The following GLP1R variants were observed in gnomAD, a reference collection of about 807,000 sequenced individuals.
GLP1R encodes the protein glucagon like peptide 1 receptor.
Under a neutral mutation model 68.4 loss-of-function variants are expected in GLP1R, and 32 were observed. That is an observed-to-expected ratio of 0.47 (90% confidence interval 0.35 to 0.63). The LOEUF (loss-of-function observed/expected upper bound fraction) is 0.63, where lower values mean the gene tolerates loss of function less well. GLP1R is among the 20% of genes least tolerant of loss of function. The probability of loss-of-function intolerance (pLI) is 0.00; values close to 1 mark genes in which losing one functional copy is unlikely to be tolerated. For synonymous variants in GLP1R, 263 were observed against 244.4 expected, an observed-to-expected ratio of 1.08 and a Z score of -0.71; for missense variants, 502 against 594.9, an observed-to-expected ratio of 0.84 and a Z score of 1.62.
At chr6:39,062,534 C>T (rs2150825493) in intron 3 of GLP1R, among the ~76,000 whole-genome samples, 1 of 152,308 alleles carries the variant, frequency 6.6e-6, no homozygotes, top group East Asian at 1.9e-4. Flanking sequence ...GTGCACACAC[C>T]ACCTCCCCAC....
chr6:39,067,010 A>G (rs774930844), intron 5 of GLP1R, among the ~76,000 whole-genome samples: 2 of 152,162 alleles, frequency 1.3e-5, no homozygotes, highest in Non-Finnish European at 2.9e-5. Flanking sequence ...TTTATTATGA[A>G]TTATTCCAGT....
chr6:39,057,597 C>T lies in GLP1R; in HGVS notation c.283+18C>T. 1.4e-6 allele frequency: 2 copies of T among 1,447,172 alleles called. No homozygotes were observed. The highest frequency in any genetic ancestry group is 9.5e-7 in the Non-Finnish European group (1 of 1,049,650). The allele number at this position is 1,447,172 out of a possible 1,614,324, so 89.6% of individuals were successfully genotyped here. Reference sequence around the variant, plus strand: ...CAGCAGTGGTGAGCCCCCTCCCCGACCTGGTACCTGCCCTGGGCCAGCAGT... The same window carrying T: ...CAGCAGTGGTGAGCCCCCTCCCCGATCTGGTACCTGCCCTGGGCCAGCAGT... On this transcript the variant is annotated intron_variant, in intron 3 of 12. Coordinates refer to ENST00000373256, the MANE Select transcript of GLP1R (RefSeq NM_002062.5).
At position 39,079,048 on chromosome 6, in the gene GLP1R, G is replaced by A. The variant is rs201383288; in HGVS notation, c.954+22G>A. On this transcript the variant is annotated intron_variant, in intron 9 of 12. Coordinates refer to ENST00000373256, the MANE Select transcript of GLP1R (RefSeq NM_002062.5). The surrounding 1 kb of genome is among the most constrained non-coding windows in gnomAD (Gnocchi z 4.5). ...TGGGGTGAGTGATGGTGTCAGGGAT[G>A]GGAGTGGCAGCTATGATAGGGCTGG... 5.9e-4 allele frequency: 951 copies of A among 1,612,144 alleles called. 8 individuals are homozygous for A. Among genetic ancestry groups the A allele is most frequent in the Non-Finnish European group, 1.0e-4 (122 of 1,178,256 alleles).
At chr6:39,060,062 C>T (rs1768319271) in intron 3 of GLP1R, among the ~76,000 whole-genome samples, 1 of 152,224 alleles carries the variant, frequency 6.6e-6, no homozygotes, top group Non-Finnish European at 1.5e-5. Flanking sequence ...CTGCTGCCCT[C>T]TCCTCACTCC....
chr6:39,053,027 G>A (rs956559378), intron 1 of GLP1R, among the ~76,000 whole-genome samples: 1 of 152,064 alleles, frequency 6.6e-6, no homozygotes, highest in South Asian at 2.1e-4. Context: ...TCCAACCCAG[G>A]TGTCGTCTCC....
chr6:39,060,907 C>T (rs1467628266), intron 3 of GLP1R, among the ~76,000 whole-genome samples: 3 of 152,304 alleles, frequency 2.0e-5, no homozygotes, highest in Admixed American at 1.3e-4. Flanking sequence ...AGCTGAAGGT[C>T]GGCTCAGCAG....
chr6:39,073,422 A>G (rs1481611031), intron 6 of GLP1R, among the ~76,000 whole-genome samples, 188 bp from the exon 7 acceptor site: 4 of 152,218 alleles, frequency 2.6e-5, no homozygotes, highest in African/African-American at 9.6e-5. Flanking sequence ...CTTTCTTCCA[A>G]TCAGGATAGT....
chr6:39,059,247 G>A (rs1283334277), intron 3 of GLP1R, among the ~76,000 whole-genome samples: 3 of 152,252 alleles, frequency 2.0e-5, no homozygotes, highest in African/African-American at 7.2e-5. Flanking sequence ...CAAGTACTCT[G>A]ATTACCCTCC....
chr6:39,079,267 G>C lies in GLP1R; in HGVS notation c.1043+67G>C. On this transcript the variant is annotated intron_variant, in intron 10 of 12. Coordinates refer to ENST00000373256, the MANE Select transcript of GLP1R (RefSeq NM_002062.5). The surrounding 1 kb of genome is among the most constrained non-coding windows in gnomAD (Gnocchi z 4.5). ...TGCCCCTTTCCTTCTAGCAGAGAGAGAGAGAGAGATCCTGGGATGCTTAGC... is the reference window on the plus strand; with the variant it reads ...TGCCCCTTTCCTTCTAGCAGAGAGACAGAGAGAGATCCTGGGATGCTTAGC... 6.2e-6 allele frequency: 7 copies of C among 1,132,222 alleles called. No individual in the cohort carries two copies. Among genetic ancestry groups the C allele is most frequent in the Non-Finnish European group, 9.4e-6 (7 of 741,084 alleles). 70.1% of individuals were successfully genotyped at this position (1,132,222 alleles called of 1,614,324 possible).
Position 39,081,640 on chromosome 6 carries a change from T to C in GLP1R, c.1224+901T>C, listed in dbSNP as rs529871672. Among the ~76,000 whole-genome samples the C allele has an allele frequency of 2.6e-5, 4 of 152,246 alleles. No homozygotes were observed. In the East Asian group the frequency reaches 7.7e-4, roughly 29 times the overall value. On this transcript the variant is annotated intron_variant, in intron 12 of 12. Transcript: ENST00000373256. ...ACATTAATAGGCTTGTCTTTTTCTA[T>C]GGGTGTGGGGGATGCAGAAAGGACA...
intron 12 of GLP1R, among the ~76,000 whole-genome samples, chr6:39,085,482 G>A (rs1769121553): frequency 6.6e-6 from 1 of 152,214 alleles, no homozygotes. Flanking sequence ...CACCAGGAAG[G>A]CTGGGGGTTG....
At position 39,051,264 on chromosome 6, in the gene GLP1R, A is replaced by G. The variant is rs2268658; in HGVS notation, c.78+2346A>G. ...TCTGTAAATAAGGATCATAAGCTCTATCACATAGGGTTATGGAGGGGATTG... is the reference window on the plus strand; with the variant it reads ...TCTGTAAATAAGGATCATAAGCTCTGTCACATAGGGTTATGGAGGGGATTG... On this transcript the variant is annotated intron_variant, in intron 1 of 12. Transcript: ENST00000373256. Among the ~76,000 whole-genome samples, 63 of 152,308 alleles carry G rather than the reference A, an allele frequency of 4.1e-4. No individual in the cohort carries two copies. The East Asian group carries it at 9.3e-3, about 22-fold the overall frequency.
chr6:39,058,952 C>G (rs1316050882), intron 3 of GLP1R, among the ~76,000 whole-genome samples: 2 of 152,252 alleles, frequency 1.3e-5, no homozygotes, highest in Non-Finnish European at 2.9e-5. Context: ...AGGTTATGCT[C>G]TGGGGAAGCC....
At chr6:39,071,329 G>A (rs1417134164) in intron 5 of GLP1R, among the ~76,000 whole-genome samples, 1 of 112,162 alleles carries the variant, frequency 8.9e-6, no homozygotes, top group Admixed American at 1.2e-4. Flanking sequence ...TTGGGCGACA[G>A]AGCAAGATTC....
intron 3 of GLP1R, among the ~76,000 whole-genome samples, chr6:39,064,887 G>A (rs1014915237): frequency 6.6e-6 from 1 of 152,142 alleles, no homozygotes; most frequent in Admixed American, 6.5e-5. Context: ...AGACAGGGAC[G>A]GTGCCACCAT....
chr6:39,072,999 G>T lies in GLP1R; in HGVS notation c.647G>T (p.Gly216Val), dbSNP rs771364426. ...STAAQQHQWD[G>V]LLSYQDSLSC... ...GCCGCCCAGCAGCACCAGTGGGATGGGCTCCTCTCCTACCAGGTGTGTGGT... is the reference window on the plus strand; with the variant it reads ...GCCGCCCAGCAGCACCAGTGGGATGTGCTCCTCTCCTACCAGGTGTGTGGT... Residue 216 changes from glycine to valine, a missense_variant, in exon 6 of 13, where the codon GGG (glycine) becomes GTG (valine). Gly to Val is a moderately radical substitution (Grantham distance 109). Coordinates refer to ENST00000373256, the MANE Select transcript of GLP1R (RefSeq NM_002062.5). 3.7e-6 allele frequency: 6 copies of T among 1,614,046 alleles called. No homozygotes were observed. The highest frequency in any genetic ancestry group is 5.1e-6 in the Non-Finnish European group (6 of 1,179,988).
rs1768777282 is a variant in GLP1R at position 39,075,037 on chromosome 6, G to A, written c.823+1268G>A. ...CAGAGCTGGCAGGGCCTTACAGGCAGAGCAGGCCCTGGAACCCAGGCCTCC... is the reference window on the plus strand; with the variant it reads ...CAGAGCTGGCAGGGCCTTACAGGCAAAGCAGGCCCTGGAACCCAGGCCTCC... On this transcript the variant is annotated intron_variant, in intron 7 of 12. Transcript: ENST00000373256. Among the ~76,000 whole-genome samples, 3 of 152,204 alleles carry A rather than the reference G, an allele frequency of 2.0e-5. No individual in the cohort carries two copies. The South Asian group carries it at 6.2e-4, about 32-fold the overall frequency.
At chr6:39,080,995 T>C (rs1768995779) in intron 12 of GLP1R, among the ~76,000 whole-genome samples, 1 of 151,966 alleles carries the variant, frequency 6.6e-6, no homozygotes, top group South Asian at 2.1e-4. Flanking sequence ...AGACCCAGAC[T>C]CATGTTAAGG....
Position 39,079,001 on chromosome 6 carries a change from G to C in GLP1R, c.929G>C (p.Arg310Pro). ...NSNMNYWLII[R>P]LPILFAIGVN... ...AACATGAACTACTGGCTCATTATCCGGCTGCCCATTCTCTTTGCCATTGGG... is the reference window on the plus strand; with the variant it reads ...AACATGAACTACTGGCTCATTATCCCGCTGCCCATTCTCTTTGCCATTGGG... Residue 310 changes from arginine to proline, a missense_variant, in exon 9 of 13, where the codon CGG becomes CCG. By Grantham distance (103) the Arg-to-Pro change is moderately radical. Transcript: ENST00000373256. The surrounding 1 kb of genome is among the most constrained non-coding windows in gnomAD (Gnocchi z 4.5). The C allele has an allele frequency of 6.2e-7, 1 of 1,614,078 alleles. No individual in the cohort carries two copies. Among genetic ancestry groups the C allele is most frequent in the Non-Finnish European group, 8.5e-7 (1 of 1,179,964 alleles).
Sources: gnomAD v4.1 joint callset for allele counts (sites outside exome capture counted in the v4.1 genomes callset) on GRCh38, gnomAD v4.1.1 for gene constraint, Gnocchi (gnomAD v3.1) non-coding constraint, MANE v1.5 for transcripts, NCBI Gene and HGNC (gene_info 2026-07-23, HGNC 2026-07-21) for gene names.